Variants in OAT observed in about 807,000 individuals in gnomAD.
OAT encodes ornithine aminotransferase.
A neutral mutation model predicts 48.4 loss-of-function variants in OAT; 35 were observed. The ratio of observed to expected loss-of-function variants is 0.72; its 90% CI spans 0.55 to 0.96. The LOEUF (loss-of-function observed/expected upper bound fraction) is 0.96. OAT is among the 40% of genes least tolerant of loss of function. The probability of loss-of-function intolerance (pLI) is 0.00; values close to 1 mark genes in which losing one functional copy is unlikely to be tolerated. For missense variants in OAT, 438 were observed against 537.9 expected (o/e 0.81, Z 1.84); for synonymous variants, 182 against 198.4 (o/e 0.92, Z 0.70).
intron 4 of OAT, chr10:124,407,333 C>A: frequency 2.0e-6 from 2 of 984,382 alleles, no homozygotes; most frequent in Non-Finnish European, 2.4e-6. Flanking sequence ...TGTCTCTCCA[C>A]CCCACTGACT....
rs559249976 is a variant in OAT at position 124,398,142 on chromosome 10, C to A, written c.1160-40G>T. 4 of 1,610,390 alleles carry A rather than the reference C, an allele frequency of 2.5e-6. No homozygotes were observed. The Admixed American group carries it at 6.7e-5, about 27-fold the overall frequency. Reference sequence around the variant, plus strand: ...TAAAACGTACATGCTCAAAGATAAACGTTTAAACATCCCTTGCCGTATGTA... The same window carrying A: ...TAAAACGTACATGCTCAAAGATAAAAGTTTAAACATCCCTTGCCGTATGTA... On this transcript the variant is annotated intron_variant, in intron 9 of 9. Transcript: ENST00000368845.
chr10:124,413,265 CAT>C (rs146775884), intron 1 of OAT, among the ~76,000 whole-genome samples: 6 of 112,242 alleles, frequency 5.3e-5, no homozygotes, highest in East Asian at 2.6e-4. Flanking sequence ...TACATAAATA[CAT>C]ACACACACAC....
At chr10:124,405,624 C>T in intron 4 of OAT, 61 bp from the exon 5 acceptor site, 1 of 1,602,072 alleles carries the variant, frequency 6.2e-7, no homozygotes, top group Non-Finnish European at 8.5e-7. Flanking sequence ...TAAGCACTAT[C>T]CCCGCAAAAC....
Position 124,408,744 on chromosome 10 carries a change from T to C in OAT, c.421A>G (p.Thr141Ala). The change falls in exon 3 of 10, where the codon ACA becomes GCA. Residue 141 changes from threonine (T) to alanine (A), a missense_variant. By Grantham distance (58) the Thr-to-Ala change is moderately conservative. Transcript: ENST00000368845. ...FNYHKVLPMN[T>A]GVEAGETACK... ...ACAAAAAAAGGAAATGTTTTACCTG[T>C]ATTCATAGGAAGAACTTTGTGGTAG... is the stretch of plus-strand genomic sequence containing the variant. 1.2e-6 allele frequency: 2 copies of C among 1,600,516 alleles called. No homozygotes were observed. Among genetic ancestry groups the C allele is most frequent in the Non-Finnish European group, 1.7e-6 (2 of 1,168,372 alleles).
intron 2 of OAT, among the ~76,000 whole-genome samples, chr10:124,410,832 G>C (rs1589714235): frequency 6.6e-6 from 1 of 151,772 alleles, no homozygotes; most frequent in African/African-American, 2.4e-5. Flanking sequence ...GACACACTAA[G>C]TATTTATGGG....
intron 6 of OAT, 183 bp from the exon 7 acceptor site, chr10:124,403,238 A>C: frequency 1.5e-6 from 1 of 679,220 alleles, no homozygotes; most frequent in Non-Finnish European, 2.6e-6. Flanking sequence ...TTGTAGACTC[A>C]CCAACTATTT....
chr10:124,411,572 C>G (rs1951752193), intron 2 of OAT, among the ~76,000 whole-genome samples: 1 of 152,172 alleles, frequency 6.6e-6, no homozygotes, highest in African/African-American at 2.4e-5. Context: ...AATCCCAGCA[C>G]TTTGGGAGGC....
chr10:124,410,734 G>C (rs1951721003), intron 2 of OAT, among the ~76,000 whole-genome samples: 1 of 152,156 alleles, frequency 6.6e-6, no homozygotes, highest in South Asian at 2.1e-4. Flanking sequence ...GGAGTTCCAG[G>C]CTGCAGTGAG....
chr10:124,411,169 A>AAAAAAAAAAAC (rs1951738353), intron 2 of OAT, among the ~76,000 whole-genome samples: 1 of 146,878 alleles, frequency 6.8e-6, no homozygotes. Context: ...AAAAAAGAAG[A>AAAAAAAAAAAC]AGAGATGTCA....
chr10:124,415,561 G>A (rs954870909), intron 1 of OAT, among the ~76,000 whole-genome samples: 3 of 152,212 alleles, frequency 2.0e-5, no homozygotes, highest in Non-Finnish European at 2.9e-5. Context: ...TCAAGTTACT[G>A]TGCTTGGCAC....
At chr10:124,410,504 A>G (rs1951715680) in intron 2 of OAT, among the ~76,000 whole-genome samples, 1 of 152,186 alleles carries the variant, frequency 6.6e-6, no homozygotes, top group Non-Finnish European at 1.5e-5. Context: ...CAATTACTCT[A>G]TGGTTATAAA....
At chr10:124,409,025 AAATT>A (rs1951681326) in intron 2 of OAT, 60 bp from the exon 3 acceptor site, 9 of 1,290,912 alleles carry the variant, frequency 7.0e-6, no homozygotes, top group Non-Finnish European at 1.0e-5. Flanking sequence ...TAAAGTCCAA[AAATT>A]AAGAGTGCTA....
chr10:124,400,543 A>C (rs1036552109), intron 9 of OAT, among the ~76,000 whole-genome samples: 24 of 151,932 alleles, frequency 1.6e-4, no homozygotes, highest in Admixed American at 1.4e-3. Flanking sequence ...TCACGAGGTC[A>C]GGAGTTTGAG....
At chr10:124,401,528 G>A (rs772781870) in intron 8 of OAT, among the ~76,000 whole-genome samples, 198 bp downstream of exon 8, 20 of 152,308 alleles carry the variant, frequency 1.3e-4, no homozygotes, top group Non-Finnish European at 2.1e-4. Flanking sequence ...GGAAGCCCAC[G>A]GAGGAAATCC....
At chr10:124,411,820 A>G (rs958831447) in intron 2 of OAT, among the ~76,000 whole-genome samples, 153 bp downstream of exon 2, 1 of 150,578 alleles carries the variant, frequency 6.6e-6, no homozygotes, top group African/African-American at 2.4e-5. Flanking sequence ...CGTCTCAAAA[A>G]AAAAAAAAAA....
At chr10:124,405,287 G>T in intron 5 of OAT, 149 bp downstream of exon 5, 1 of 1,143,990 alleles carries the variant, frequency 8.7e-7, no homozygotes, top group Non-Finnish European at 1.2e-6. Context: ...GAAACTAATT[G>T]ATCGCTACTG....
chr10:124,402,776 T>A, intron 7 of OAT, 151 bp downstream of exon 7: 5 of 1,018,406 alleles, frequency 4.9e-6, no homozygotes, highest in Non-Finnish European at 6.0e-6. Flanking sequence ...CCTTAAATGT[T>A]TTTATTACAG....
At position 124,401,770 on chromosome 10, in the gene OAT, C is replaced by G. The variant is rs748239683; in HGVS notation, c.970G>C (p.Gly324Arg). 1 of 1,613,266 alleles carries G rather than the reference C, an allele frequency of 6.2e-7. No homozygotes were observed. The highest frequency in any genetic ancestry group is 8.5e-7 in the Non-Finnish European group (1 of 1,179,822). ...ACTCGGCAGCCTAGTGGATTGCCAC[C>G]GTATGTGGACCCATGCTCCCCTGGC... is the stretch of plus-strand genomic sequence containing the variant. ...IKPGEHGSTYGGNPLGCRVAI... is the reference protein window; with the variant it reads ...IKPGEHGSTYRGNPLGCRVAI... Residue 324 changes from glycine (G) to arginine (R), a missense_variant, in exon 8 of 10, where the codon GGT becomes CGT. Physicochemically the swap from Gly to Arg is moderately radical, Grantham distance 125. Transcript: ENST00000368845.
At chr10:124,412,482 C>T (rs1389917443) in intron 1 of OAT, among the ~76,000 whole-genome samples, 1 of 151,622 alleles carries the variant, frequency 6.6e-6, no homozygotes, top group East Asian at 1.9e-4. Flanking sequence ...TGTACTCCAA[C>T]CTGGGAGACA....
Sources: allele counts gnomAD v4.1 joint callset (sites outside exome capture counted in the v4.1 genomes callset), GRCh38; gene constraint gnomAD v4.1.1; transcripts MANE v1.5; gene names NCBI Gene and HGNC (gene_info 2026-07-23, HGNC 2026-07-21).